ATG10: variants seen among roughly 807,000 people sequenced by gnomAD.
ATG10 encodes autophagy related 10.
ATG10 carries 30 observed loss-of-function variants against 32.1 expected under a neutral mutation model. The observed-to-expected ratio is 0.94, with a 90% CI of 0.70 to 1.27. The LOEUF (loss-of-function observed/expected upper bound fraction) is 1.27, where lower values mean the gene tolerates loss of function less well. Among genes scored for constraint, ATG10 ranks in the 50% most tolerant of loss-of-function variants. The probability of loss-of-function intolerance (pLI) is 0.00; values close to 1 mark genes in which losing one functional copy is unlikely to be tolerated. For missense variants in ATG10, 233 were observed against 262.3 expected (o/e 0.89, Z 0.77); for synonymous variants, 87 against 91.5 (o/e 0.95, Z 0.28).
intron 3 of ATG10, among the ~76,000 whole-genome samples, chr5:82,115,392 T>C (rs926861436): frequency 3.9e-5 from 6 of 152,000 alleles, no homozygotes; most frequent in Non-Finnish European, 8.8e-5. Flanking sequence ...GTAGATGAGA[T>C]AGAATTGGCC....
intron 3 of ATG10, among the ~76,000 whole-genome samples, chr5:82,081,478 T>C (rs1332950639): frequency 6.6e-6 from 1 of 152,234 alleles, no homozygotes; most frequent in Admixed American, 6.5e-5. Flanking sequence ...CCATCCAGTA[T>C]GATATTGGCT....
At chr5:82,042,769 C>T (rs1365788061) in intron 2 of ATG10, among the ~76,000 whole-genome samples, 1 of 152,224 alleles carries the variant, frequency 6.6e-6, no homozygotes, top group East Asian at 1.9e-4. Flanking sequence ...AAAATAATCT[C>T]CTTTGACTCC....
intron 2 of ATG10, among the ~76,000 whole-genome samples, chr5:82,045,667 T>A (rs1763214267): frequency 6.6e-6 from 1 of 152,072 alleles, no homozygotes; most frequent in African/African-American, 2.4e-5. Flanking sequence ...CTTCACAGAC[T>A]TGGAGTGGAA....
At position 82,212,816 on chromosome 5, in the gene ATG10, C is replaced by G. The variant is rs998915869; in HGVS notation, c.453+34229C>G. ...GTGTAAATGTTAGAGTACCCCAGGG[C>G]TTTGTCTTTGACCCTGTTCTCTTCT... On this transcript the variant is annotated intron_variant, in intron 5 of 7. Coordinates refer to ENST00000282185, the MANE Select transcript of ATG10 (RefSeq NM_031482.5). 3.9e-5 allele frequency among the ~76,000 whole-genome samples: 6 copies of G among 152,308 alleles called. No individual in the cohort carries two copies. The East Asian group carries it at 1.2e-3, about 29-fold the overall frequency.
At chr5:82,216,234 A>G (rs1205926387) in intron 5 of ATG10, among the ~76,000 whole-genome samples, 2 of 152,228 alleles carry the variant, frequency 1.3e-5, no homozygotes, top group African/African-American at 2.4e-5. Context: ...TGTCTGCTTC[A>G]GAGTAAAAAG....
chr5:82,075,124 T>C (rs1373812188), intron 3 of ATG10, among the ~76,000 whole-genome samples: 9 of 152,126 alleles, frequency 5.9e-5, no homozygotes. Flanking sequence ...AAAGATATCA[T>C]AGGAATGAAA....
chr5:82,124,420 G>C (rs1364089158), intron 3 of ATG10, among the ~76,000 whole-genome samples: 1 of 151,538 alleles, frequency 6.6e-6, no homozygotes, highest in Admixed American at 6.6e-5. Flanking sequence ...ATCTACATTA[G>C]GTATTTCTCC....
At chr5:82,101,410 A>G (rs549512534) in intron 3 of ATG10, among the ~76,000 whole-genome samples, 1 of 152,152 alleles carries the variant, frequency 6.6e-6, no homozygotes, top group East Asian at 1.9e-4. Context: ...TTCCCTTTCT[A>G]CTCATCTTTT....
chr5:82,071,332 T>G (rs759952527), intron 3 of ATG10, among the ~76,000 whole-genome samples: 1 of 152,108 alleles, frequency 6.6e-6, no homozygotes, highest in Admixed American at 6.6e-5. Flanking sequence ...TAAAAACACA[T>G]GGTTGGAATC....
At chr5:82,187,834 C>T (rs542952524) in intron 5 of ATG10, among the ~76,000 whole-genome samples, 1 of 152,108 alleles carries the variant, frequency 6.6e-6, no homozygotes, top group South Asian at 2.1e-4. Flanking sequence ...GTGATCCACC[C>T]ACCTCGGCCT....
intron 5 of ATG10, among the ~76,000 whole-genome samples, chr5:82,225,815 T>G (rs980935146): frequency 3.3e-5 from 5 of 152,194 alleles, no homozygotes; most frequent in Admixed American, 6.5e-5. Flanking sequence ...CTTGACTCCA[T>G]TAGAGCAAAT....
chr5:82,109,851 T>C (rs945235327), intron 3 of ATG10, among the ~76,000 whole-genome samples: 5 of 151,626 alleles, frequency 3.3e-5, no homozygotes, highest in Admixed American at 1.3e-4. Context: ...ATGTGCACAA[T>C]GTGCAGGTTT....
chr5:82,194,757 C>T (rs1347015329), intron 5 of ATG10, among the ~76,000 whole-genome samples: 2 of 152,142 alleles, frequency 1.3e-5, no homozygotes, highest in African/African-American at 4.8e-5. Context: ...GTGATCAGGG[C>T]TTTTGAATTT....
chr5:82,096,525 T>C (rs1346792468), intron 3 of ATG10, among the ~76,000 whole-genome samples: 1 of 152,162 alleles, frequency 6.6e-6, no homozygotes, highest in African/African-American at 2.4e-5. Context: ...TCCATTACTG[T>C]ATTTCCTTGA....
chr5:82,252,810 A>G (rs1747320889), intron 6 of ATG10, 151 bp downstream of exon 6: 3 of 586,544 alleles, frequency 5.1e-6, no homozygotes, highest in Non-Finnish European at 8.9e-6. Context: ...ATGCTGTTCT[A>G]AGAGTTTTAG....
At chr5:82,127,318 C>G (rs1374714514) in intron 3 of ATG10, among the ~76,000 whole-genome samples, 5 of 152,032 alleles carry the variant, frequency 3.3e-5, no homozygotes, top group East Asian at 3.9e-4. Flanking sequence ...TTCTTGTCTT[C>G]TGCTAACTTT....
chr5:82,133,827 C>T (rs905622373), intron 3 of ATG10, among the ~76,000 whole-genome samples: 9 of 152,036 alleles, frequency 5.9e-5, no homozygotes, highest in South Asian at 2.1e-4. Context: ...GCCATTTTCA[C>T]GATACTGATT....
chr5:82,204,553 T>C (rs1050659582), intron 5 of ATG10, among the ~76,000 whole-genome samples: 1 of 152,206 alleles, frequency 6.6e-6, no homozygotes, highest in African/African-American at 2.4e-5. Context: ...TGGCATGTTC[T>C]GGCTATAGAA....
At chr5:82,063,960 A>T (rs565123862) in intron 3 of ATG10, among the ~76,000 whole-genome samples, 5 of 152,184 alleles carry the variant, frequency 3.3e-5, no homozygotes, top group African/African-American at 1.2e-4. Flanking sequence ...AAACCTGAAC[A>T]TGTACCCTGA....
Sources: allele counts gnomAD v4.1 joint callset (sites outside exome capture counted in the v4.1 genomes callset), GRCh38; gene constraint gnomAD v4.1.1; transcripts MANE v1.5; gene names NCBI Gene and HGNC (gene_info 2026-07-23, HGNC 2026-07-21).